The following EYA1 variants were observed in gnomAD, a reference collection of about 807,000 sequenced individuals.
EYA1 encodes EYA transcriptional coactivator and phosphatase 1, also known as protein phosphatase EYA1.
In EYA1, 16 loss-of-function variants were observed where a neutral mutation model predicts 82.0. The observed-to-expected ratio is 0.20, with a 90% CI of 0.13 to 0.30. The LOEUF is 0.30. EYA1 is among the 10% of genes least tolerant of loss of function. The probability of loss-of-function intolerance (pLI) is 1.00; values close to 1 mark genes in which losing one functional copy is unlikely to be tolerated. For missense variants in EYA1, 633 were observed against 730.7 expected, an observed-to-expected ratio of 0.87 and a Z score of 1.54; for synonymous variants, 261 against 264.4, an observed-to-expected ratio of 0.99 and a Z score of 0.12.
chr8:71,422,729 G>A (rs554488097), intron 2 of EYA1, among the ~76,000 whole-genome samples: 4 of 152,214 alleles, frequency 2.6e-5, no homozygotes, highest in Middle Eastern at 3.4e-3. Flanking sequence ...GGAAAAGAAT[G>A]AGTTGAAGGG....
At chr8:71,517,968 T>C (rs1400188771) in intron 2 of EYA1, among the ~76,000 whole-genome samples, 1 of 151,884 alleles carries the variant, frequency 6.6e-6, no homozygotes, top group Non-Finnish European at 1.5e-5. Context: ...AAATTCTTCA[T>C]CAGTAAAAAT....
intron 2 of EYA1, among the ~76,000 whole-genome samples, chr8:71,468,091 A>G (rs1808909647): frequency 6.6e-6 from 1 of 152,090 alleles, no homozygotes; most frequent in South Asian, 2.1e-4. Context: ...AAGTACTAAG[A>G]CCACATTTAT....
At chr8:71,450,016 A>G (rs1039017490) in intron 2 of EYA1, among the ~76,000 whole-genome samples, 2 of 152,210 alleles carry the variant, frequency 1.3e-5, no homozygotes, top group Non-Finnish European at 2.9e-5. Flanking sequence ...GAAGAGAGTT[A>G]GGGCCTTGTT....
intron 2 of EYA1, chr8:71,470,794 T>C (rs1207003413): frequency 2.5e-5 from 11 of 445,704 alleles, no homozygotes; most frequent in Non-Finnish European, 4.9e-5. Flanking sequence ...CTAAAAGATG[T>C]ATGTAGCATT....
At chr8:71,525,403 G>T (rs1204914552) in intron 2 of EYA1, among the ~76,000 whole-genome samples, 4 of 152,126 alleles carry the variant, frequency 2.6e-5, no homozygotes, top group African/African-American at 9.7e-5. Flanking sequence ...GAATTCCTTT[G>T]AAATATAAAC....
rs554346444 is a variant in EYA1 at position 71,517,246 on chromosome 8, A to G, written c.33+18498T>C. On this transcript the variant is annotated intron_variant, in intron 2 of 18. Transcript: ENST00000643681. ...CCAGAAACCCATATCCAAATTTTCA[A>G]CTCTCTACAAACATCATTTGAGTTG... is the stretch of plus-strand genomic sequence containing the variant. 5.3e-5 allele frequency among the ~76,000 whole-genome samples: 8 copies of G among 152,016 alleles called. No homozygotes were observed. In the South Asian group the frequency reaches 1.2e-3, roughly 24 times the overall value.
At chr8:71,210,553 G>T (rs1000075248) in intron 17 of EYA1, among the ~76,000 whole-genome samples, 51 of 152,170 alleles carry the variant, frequency 3.4e-4, no homozygotes, top group African/African-American at 1.2e-3. Flanking sequence ...TCAGAGAAAT[G>T]ATAGAATTAC....
chr8:71,448,294 T>C (rs1384125993), intron 2 of EYA1, among the ~76,000 whole-genome samples: 1 of 152,214 alleles, frequency 6.6e-6, no homozygotes, highest in African/African-American at 2.4e-5. Context: ...GTCATTTCAA[T>C]AATGTTCATG....
intron 2 of EYA1, among the ~76,000 whole-genome samples, chr8:71,444,485 T>C (rs907791868): frequency 8.5e-5 from 13 of 152,180 alleles, no homozygotes; most frequent in African/African-American, 3.1e-4. Context: ...AGTGGATAGA[T>C]TTTTGGCACT....
At chr8:71,425,140 G>A (rs75061960) in intron 2 of EYA1, among the ~76,000 whole-genome samples, 4,920 of 147,214 alleles carry the variant, frequency 0.033, 283 homozygotes, top group African/African-American at 0.12. Context: ...TCAATGAGCC[G>A]GGCGTGGTGG....
intron 11 of EYA1, among the ~76,000 whole-genome samples, chr8:71,264,306 T>G (rs1347054161): frequency 6.6e-6 from 1 of 152,218 alleles, no homozygotes; most frequent in Non-Finnish European, 1.5e-5. Flanking sequence ...ACTGGCGAAC[T>G]GAGCTGTTCT....
rs1814669323 is a variant in EYA1 at position 71,535,817 on chromosome 8, C to A, written c.-41G>T. 2.8e-6 allele frequency: 4 copies of A among 1,418,760 alleles called. No homozygotes were observed. The Admixed American group carries it at 9.3e-5, about 33-fold the overall frequency. The allele number at this position is 1,418,760 out of a possible 1,614,324, so 87.9% of individuals were successfully genotyped here. On this transcript the variant is annotated 5_prime_UTR_variant, in exon 2 of 19. Transcript: ENST00000643681. ...AATTATGTATGGGCTATTAGCTACA[C>A]ACTTCTTCAAAGGGTTCCAACACCC...
At chr8:71,419,185 T>C (rs1394892622) in intron 2 of EYA1, among the ~76,000 whole-genome samples, 3 of 152,178 alleles carry the variant, frequency 2.0e-5, no homozygotes, top group Non-Finnish European at 2.9e-5. Context: ...CCATTGCTAC[T>C]GTGCAGAAAA....
At chr8:71,334,032 C>T in intron 4 of EYA1, 65 bp downstream of exon 4, 1 of 1,068,914 alleles carries the variant, frequency 9.4e-7, no homozygotes. Context: ...TACACAGGGA[C>T]ATTACATGAA....
intron 6 of EYA1, among the ~76,000 whole-genome samples, chr8:71,320,676 TG>T (rs1243260558): frequency 6.6e-6 from 1 of 152,186 alleles, no homozygotes; most frequent in Non-Finnish European, 1.5e-5. Flanking sequence ...TTAGATTATT[TG>T]TATATATTTT....
At chr8:71,332,242 T>C (rs1823962104) in intron 4 of EYA1, among the ~76,000 whole-genome samples, 1 of 152,178 alleles carries the variant, frequency 6.6e-6, no homozygotes, top group Non-Finnish European at 1.5e-5. Flanking sequence ...GTCTTCAACT[T>C]TGTTTACCCC....
chr8:71,312,505 G>A (rs1375059739), intron 7 of EYA1, among the ~76,000 whole-genome samples: 1 of 152,178 alleles, frequency 6.6e-6, no homozygotes, highest in African/African-American at 2.4e-5. Context: ...GGAGTGCAGT[G>A]GCACGATCTT....
chr8:71,477,162 C>A (rs1809729237), intron 2 of EYA1, among the ~76,000 whole-genome samples: 1 of 152,022 alleles, frequency 6.6e-6, no homozygotes, highest in South Asian at 2.1e-4. Context: ...GACCATGAGT[C>A]AGCCAAAGAT....
At chr8:71,425,143 C>A (rs923463458) in intron 2 of EYA1, among the ~76,000 whole-genome samples, 21 of 143,132 alleles carry the variant, frequency 1.5e-4, no homozygotes, top group Non-Finnish European at 2.4e-4. Flanking sequence ...ATGAGCCGGG[C>A]GTGGTGGCAG....
Sources: gnomAD v4.1 joint callset for allele counts (sites outside exome capture counted in the v4.1 genomes callset) on GRCh38, gnomAD v4.1.1 for gene constraint, MANE v1.5 for transcripts, NCBI Gene and HGNC (gene_info 2026-07-23, HGNC 2026-07-21) for gene names.